The following CORO2B variants were observed in gnomAD, a reference collection of about 807,000 sequenced individuals.
The protein encoded by CORO2B is coronin-2B.
Under a neutral mutation model 58.8 loss-of-function variants are expected in CORO2B, and 26 were observed. That is an observed-to-expected ratio of 0.44 (90% CI 0.32 to 0.61). The LOEUF is 0.61. CORO2B is among the 20% of genes least tolerant of loss of function. The pLI is 0.04. For missense variants in CORO2B, 460 were observed against 645.1 expected, an observed-to-expected ratio of 0.71 and a Z score of 3.11; for synonymous variants, 242 against 253.8, an observed-to-expected ratio of 0.95 and a Z score of 0.44.
At chr15:68,569,496 T>C in the CORO2B span, among the ~76,000 whole-genome samples, 1 of 152,206 alleles carries the variant, frequency 6.6e-6, no homozygotes, top group African/African-American at 2.4e-5. Flanking sequence ...GGAATAATAT[T>C]GCATTGTCTG....
Position 68,645,022 on chromosome 15 carries a change from A to G in CORO2B, c.16-138A>G. 1 of 784,560 alleles carries G rather than the reference A, an allele frequency of 1.3e-6. No individual in the cohort carries two copies. The highest frequency in any genetic ancestry group is 2.7e-5 in the East Asian group (1 of 36,930). 48.6% of individuals were successfully genotyped at this position (784,560 alleles called of 1,614,324 possible). On this transcript the variant is annotated intron_variant, in intron 1 of 11. Coordinates refer to ENST00000261861, the MANE Select transcript of CORO2B (RefSeq NM_006091.5). The surrounding 1 kb of genome is among the most constrained non-coding windows in gnomAD (Gnocchi z 4.5). The stretch of plus-strand genomic sequence containing the variant: ...AATTCTTGGATGCTTCTTCCTTTCC[A>G]TCTCTTCCTGACAGGGGACCCAGGG...
At chr15:68,575,577 G>GCGCCCC (rs370419859), upstream of CORO2B, among the ~76,000 whole-genome samples, 10 of 38,750 alleles carry the variant, frequency 2.6e-4, no homozygotes, top group Non-Finnish European at 5.1e-4. Flanking sequence ...CTTGTGATCT[G>GCGCCCC]CCCCCGCCTC....
At position 68,634,669 on chromosome 15, in the gene CORO2B, C is replaced by T. The variant is rs369205167; in HGVS notation, c.16-10491C>T. ...GATGCAGATTCTCGGGCCCCACCCT[C>T]GACTTCCTGAATCAGAAACTGTGGG... On this transcript the variant is annotated intron_variant, in intron 1 of 11. Coordinates refer to ENST00000261861, the MANE Select transcript of CORO2B (RefSeq NM_006091.5). Among the ~76,000 whole-genome samples, 29 of 152,284 alleles carry T rather than the reference C, an allele frequency of 1.9e-4. No homozygotes were observed. In the East Asian group the frequency reaches 5.0e-3, roughly 26 times the overall value.
At chr15:68,574,393 A>G (rs1279071603), upstream of CORO2B, among the ~76,000 whole-genome samples, 2 of 152,148 alleles carry the variant, frequency 1.3e-5, no homozygotes, top group African/African-American at 4.8e-5. Flanking sequence ...CTCTGCCACA[A>G]TGCAGCACCC....
the CORO2B span, among the ~76,000 whole-genome samples, chr15:68,557,995 CTGGGCACTGTGATAGGCCTT>C: frequency 7.2e-5 from 11 of 152,080 alleles, no homozygotes; most frequent in Non-Finnish European, 1.6e-4. Flanking sequence ...ATGAAGGGCA[CTGGGCACTGTGATAGGCCTT>C]TGGGGCACAG....
rs2899743 is a variant in CORO2B, at chr15:68,629,185, C to T, written c.16-15975C>T. 5.2e-3 allele frequency among the ~76,000 whole-genome samples: 791 copies of T among 152,182 alleles called. 6 individuals carry two copies. Among genetic ancestry groups the T allele is most frequent in the Admixed American group, 9.3e-3 (143 of 15,298 alleles). ...GGGCTGCTCCACATTGGAAATTCTG[C>T]AGTAGTTCTGAATGAGTCAATGTCT... On this transcript the variant is annotated intron_variant, in intron 1 of 11. Transcript: ENST00000261861.
chr15:68,579,302 C>T, intron 1 of CORO2B, 25 bp downstream of exon 1: 1 of 1,282,466 alleles, frequency 7.8e-7, no homozygotes, highest in South Asian at 2.4e-5. Context: ...CCCGCCGCGC[C>T]CGGGACCCGC....
At chr15:68,523,704 C>T in the CORO2B span, among the ~76,000 whole-genome samples, 1 of 152,140 alleles carries the variant, frequency 6.6e-6, no homozygotes, top group African/African-American at 2.4e-5. Flanking sequence ...TAGAACTGTC[C>T]TTTTTTGTTC....
Position 68,674,473 on chromosome 15 carries a change from T to C in CORO2B, c.217-20667T>C, listed in dbSNP as rs79459126. ...CTGCTGCCCCTTCCTGTGAGCAAGGTCTCCAGAACTGACAGGTGGGATGGG... is the reference window on the plus strand; with the variant it reads ...CTGCTGCCCCTTCCTGTGAGCAAGGCCTCCAGAACTGACAGGTGGGATGGG... On this transcript the variant is annotated intron_variant, in intron 2 of 11. Coordinates refer to ENST00000261861, the MANE Select transcript of CORO2B (RefSeq NM_006091.5). Among the ~76,000 whole-genome samples, 508 of 152,282 alleles carry C rather than the reference T, an allele frequency of 3.3e-3. 18 individuals are homozygous for C. The East Asian group carries it at 0.088, about 26-fold the overall frequency.
At chr15:68,559,383 G>A in the CORO2B span, among the ~76,000 whole-genome samples, 1 of 151,902 alleles carries the variant, frequency 6.6e-6, no homozygotes, top group Non-Finnish European at 1.5e-5. The surrounding 1 kb of genome is among the most constrained non-coding windows in gnomAD (Gnocchi z 4.3). Context: ...CATTTTAGAA[G>A]TTCTGGTCAA....
the CORO2B span, among the ~76,000 whole-genome samples, chr15:68,538,861 CT>C: frequency 1.3e-5 from 2 of 152,132 alleles, no homozygotes; most frequent in Non-Finnish European, 2.9e-5. Context: ...CTGGGTCTCA[CT>C]TTATTTGATC....
At chr15:68,551,493 G>T in the CORO2B span, among the ~76,000 whole-genome samples, 4 of 152,138 alleles carry the variant, frequency 2.6e-5, no homozygotes, top group Non-Finnish European at 5.9e-5. Context: ...GGCCTCCCCG[G>T]CCTCCTCTTT....
At chr15:68,561,085 C>T in the CORO2B span, among the ~76,000 whole-genome samples, 1 of 152,138 alleles carries the variant, frequency 6.6e-6, no homozygotes, top group Non-Finnish European at 1.5e-5. Flanking sequence ...CTCCACCCCG[C>T]GTCCCCCAGG....
At chr15:68,668,950 T>C (rs1213334276) in intron 2 of CORO2B, among the ~76,000 whole-genome samples, 2 of 152,044 alleles carry the variant, frequency 1.3e-5, no homozygotes, top group Non-Finnish European at 2.9e-5. Context: ...TGGTGGCATG[T>C]GCCTGTAATC....
intron 1 of CORO2B, among the ~76,000 whole-genome samples, chr15:68,628,277 G>A (rs1251753274): frequency 6.6e-6 from 1 of 152,200 alleles, no homozygotes; most frequent in Admixed American, 6.5e-5. Flanking sequence ...CCTATGGAGT[G>A]GAAGGCCTGG....
At chr15:68,564,505 T>A in the CORO2B span, among the ~76,000 whole-genome samples, 19 of 152,220 alleles carry the variant, frequency 1.2e-4, no homozygotes, top group East Asian at 3.3e-3. Context: ...TTTTAGTAGG[T>A]TTTGCCATGT....
intron 5 of CORO2B, among the ~76,000 whole-genome samples, chr15:68,713,188 C>T (rs1892959325): frequency 6.6e-6 from 1 of 152,166 alleles, no homozygotes; most frequent in Admixed American, 6.5e-5. Flanking sequence ...CAGTGATGGG[C>T]ATGAGTCTCT....
chr15:68,651,562 C>G (rs1415061892), intron 2 of CORO2B, among the ~76,000 whole-genome samples: 1 of 152,134 alleles, frequency 6.6e-6, no homozygotes, highest in Non-Finnish European at 1.5e-5. Context: ...TCACTTGGAG[C>G]GTTAGTTATA....
chr15:68,670,164 C>T (rs1474574055), intron 2 of CORO2B, among the ~76,000 whole-genome samples: 1 of 152,110 alleles, frequency 6.6e-6, no homozygotes, highest in Non-Finnish European at 1.5e-5. Context: ...GATGGCAAAG[C>T]AGAAGTACTT....
Sources: gnomAD v4.1 joint callset for allele counts (sites outside exome capture counted in the v4.1 genomes callset) on GRCh38, gnomAD v4.1.1 for gene constraint, Gnocchi (gnomAD v3.1) non-coding constraint, MANE v1.5 for transcripts, NCBI Gene and HGNC (gene_info 2026-07-23, HGNC 2026-07-21) for gene names.